The following KANK3 variants were observed in gnomAD, a reference collection of about 807,000 sequenced individuals.
KANK3 encodes the protein KN motif and ankyrin repeat domains 3, also known as KN motif and ankyrin repeat domain-containing protein 3.
In KANK3, 61 loss-of-function variants were observed where a neutral mutation model predicts 65.4. The observed-to-expected ratio is 0.93, with a 90% confidence interval of 0.76 to 1.15. The LOEUF (loss-of-function observed/expected upper bound fraction) is 1.15. KANK3 is among the 50% of genes most tolerant of loss of function. The probability of loss-of-function intolerance (pLI) is 0.00; values close to 1 mark genes in which losing one functional copy is unlikely to be tolerated. For synonymous variants in KANK3, 586 were observed against 543.3 expected, an observed-to-expected ratio of 1.08 and a Z score of -1.09; for missense variants, 1,187 against 1,178.8, an observed-to-expected ratio of 1.01 and a Z score of -0.10.
At chr19:8,324,585 GCCATGGGCAC>G in intron 9 of KANK3, 35 bp downstream of exon 9, 1 of 1,612,338 alleles carries the variant, frequency 6.2e-7, no homozygotes, top group Non-Finnish European at 8.5e-7. Flanking sequence ...CCTGAGCCAA[GCCATGGGCAC>G]CCCCCAAGAT....
Position 8,334,481 on chromosome 19 carries a change from C to A in KANK3, c.1327+19G>T, listed in dbSNP as rs1325543542. ...CGGCGCCGAGTAAGCCAGGGCCCAG[C>A]GACGGGGTCGGGACTCACCCGCGGG... On this transcript the variant is annotated intron_variant, in intron 3 of 10. Transcript: ENST00000330915. 1 of 1,607,692 alleles carries A rather than the reference C, an allele frequency of 6.2e-7. No homozygotes were observed. Among genetic ancestry groups the A allele is most frequent in the Admixed American group, 1.7e-5 (1 of 59,978 alleles).
In KANK3 at chr19:8,333,329, G is replaced by A. The variant is rs1393439294; in HGVS notation, c.1720-99C>T. 7 of 976,164 alleles carry A rather than the reference G, an allele frequency of 7.2e-6. No individual in the cohort carries two copies. In the South Asian group the frequency reaches 8.2e-5, roughly 11 times the overall value. 60.5% of individuals were successfully genotyped at this position (976,164 alleles called of 1,614,324 possible). ...GCGGGACTGGGAAGAGACCCATTTGGCGTTTCCAGGCAAGTAAGGAAGGTC... is the reference window on the plus strand; with the variant it reads ...GCGGGACTGGGAAGAGACCCATTTGACGTTTCCAGGCAAGTAAGGAAGGTC... On this transcript the variant is annotated intron_variant, in intron 6 of 10. Transcript: ENST00000330915. This position sits in a 1 kb window ranked among gnomAD's most constrained non-coding sequence, Gnocchi z 5.0.
chr19:8,335,533 G>A lies in KANK3; in HGVS notation c.294C>T (p.Asp98=). The A allele has an allele frequency of 8.2e-7, 1 of 1,223,846 alleles. No homozygotes were observed. 75.8% of individuals were successfully genotyped at this position (1,223,846 alleles called of 1,614,324 possible). ...AWTSSESLAS[D]DGGAPGILSQ... Reference sequence around the variant, plus strand: ...AGAGTATGCCCGGTGCTCCACCGTCGTCACTGGCCAGGGACTCGCTGGATG... The same window carrying A: ...AGAGTATGCCCGGTGCTCCACCGTCATCACTGGCCAGGGACTCGCTGGATG... The change falls in exon 3 of 11, where the codon GAC becomes GAT. Residue 98 remains aspartate (D), a synonymous_variant. Coordinates refer to ENST00000330915, the MANE Select transcript of KANK3 (RefSeq NM_198471.3).
intron 7 of KANK3, among the ~76,000 whole-genome samples, chr19:8,329,492 CAAAAAAAAAAAA>C (rs59607185): frequency 2.0e-4 from 10 of 51,106 alleles, no homozygotes; most frequent in African/African-American, 3.6e-4. Context: ...GACTCGGCCT[CAAAAAAAAAAAA>C]AAAAAAAAAA....
rs374255787 is a variant in KANK3, at chr19:8,325,175, C to T, written c.1937-79G>A. 135 of 1,468,368 alleles carry T rather than the reference C, an allele frequency of 9.2e-5. No individual in the cohort carries two copies. The African/African-American group carries it at 1.1e-3, about 12-fold the overall frequency. 91.0% of individuals were successfully genotyped at this position (1,468,368 alleles called of 1,614,324 possible). On this transcript the variant is annotated intron_variant, in intron 7 of 10. Coordinates refer to ENST00000330915, the MANE Select transcript of KANK3 (RefSeq NM_198471.3). ...GATCCACTCACCTCCCTGCAAGCCTCGGGCACAGCACCTGCATATGGGGTG... is the reference window on the plus strand; with the variant it reads ...GATCCACTCACCTCCCTGCAAGCCTTGGGCACAGCACCTGCATATGGGGTG...
chr19:8,335,169 C>A lies in KANK3; in HGVS notation c.658G>T (p.Glu220Ter), dbSNP rs1970611483. The A allele has an allele frequency of 8.2e-7, 1 of 1,213,820 alleles. No individual in the cohort carries two copies. Among genetic ancestry groups the A allele is most frequent in the South Asian group, 3.5e-5 (1 of 28,216 alleles). The allele number at this position is 1,213,820 out of a possible 1,614,324, so 75.2% of individuals were successfully genotyped here. The change falls in exon 3 of 11, where the codon GAG becomes TAG. Residue 220 changes from glutamate to a stop codon, truncating the protein, a stop_gained. Transcript: ENST00000330915. LOFTEE classifies it high-confidence loss of function. ...LQEQVRALRA[E>*]KARLLAGRAQ... is the part of the protein sequence containing the mutation. ...CGCCCGGCCAGCAGCCGCGCCTTCT[C>A]GGCGCGCAGCGCGCGCACCTGCTCC...
At chr19:8,323,878 A>G (rs1035580678) in intron 10 of KANK3, among the ~76,000 whole-genome samples, 11 of 152,186 alleles carry the variant, frequency 7.2e-5, no homozygotes, top group Non-Finnish European at 1.0e-4. Context: ...GTTGGGGGTT[A>G]ATGTGTTCTG....
At chr19:8,337,987 CTCCT>C (rs1460414457) in intron 1 of KANK3, 131 bp from the exon 2 acceptor site, 101 of 1,433,662 alleles carry the variant, frequency 7.0e-5, no homozygotes, top group Middle Eastern at 2.4e-4. Flanking sequence ...CACATGGCCT[CTCCT>C]TCCTCTTCCC....
chr19:8,339,694 A>G (rs1363604458), intron 1 of KANK3, among the ~76,000 whole-genome samples: 2 of 152,056 alleles, frequency 1.3e-5, no homozygotes, highest in East Asian at 3.9e-4. Flanking sequence ...TTAAATAGTG[A>G]AACCACCAAG....
At chr19:8,324,313 G>T in intron 10 of KANK3, 136 bp downstream of exon 10, 1 of 730,692 alleles carries the variant, frequency 1.4e-6, no homozygotes. Context: ...CAGCCACATA[G>T]GAGAATCCAG....
chr19:8,340,177 G>A (rs991799966), intron 1 of KANK3, among the ~76,000 whole-genome samples: 7 of 149,668 alleles, frequency 4.7e-5, no homozygotes, highest in African/African-American at 1.5e-4. Context: ...CAGGAGAATC[G>A]CTTGAACCTG....
chr19:8,330,159 G>A (rs72994717), intron 7 of KANK3, among the ~76,000 whole-genome samples: 29,282 of 152,128 alleles, frequency 0.19, 2,950 homozygotes, highest in Admixed American at 0.27. Context: ...GCACACCCAC[G>A]TACCTCCAGA....
intron 1 of KANK3, among the ~76,000 whole-genome samples, 169 bp downstream of exon 1, chr19:8,343,056 A>G (rs1363940785): frequency 6.6e-6 from 1 of 152,042 alleles, no homozygotes; most frequent in Non-Finnish European, 1.5e-5. Flanking sequence ...CCCACCTGGG[A>G]CTTCCAATGT....
In KANK3 at chr19:8,334,055, C is replaced by T; in HGVS notation, c.1489G>A (p.Ala497Thr). ...DSDGDSENGG[A>T]EPPGSSSGSG... Reference sequence around the variant, plus strand: ...CCCGAGGAGCTACCCGGGGGCTCGGCGCCACCGTTCTCGCTGTCGCCATCG... The same window carrying T: ...CCCGAGGAGCTACCCGGGGGCTCGGTGCCACCGTTCTCGCTGTCGCCATCG... Residue 497 changes from alanine (A) to threonine (T), a missense_variant, in exon 5 of 11, where the codon GCC becomes ACC. Around this residue, in one of 3 missense-constraint regions of KANK3, gnomAD observed 1,078 missense variants for 1,038.2 expected, o/e 1.04. Coordinates refer to ENST00000330915, the MANE Select transcript of KANK3 (RefSeq NM_198471.3). 1.3e-6 allele frequency: 2 copies of T among 1,535,172 alleles called. No individual in the cohort carries two copies. The highest frequency in any genetic ancestry group is 8.7e-7 in the Non-Finnish European group (1 of 1,146,272).
In KANK3 at chr19:8,334,972, C is replaced by G. The variant is rs762479310; in HGVS notation, c.855G>C (p.Gln285His). The change falls in exon 3 of 11, where the codon CAG (glutamine) becomes CAC (histidine). Residue 285 changes from glutamine to histidine, a missense_variant. Physicochemically the swap from Gln to His is conservative, Grantham distance 24. Around this residue, in one of 3 missense-constraint regions of KANK3, gnomAD observed 1,078 missense variants for 1,038.2 expected, o/e 1.04. Transcript: ENST00000330915. ...GACTCCCGACCTCCCCGTCGAGGAC[C>G]TGGAGCGCGCCCTCGCTGCGCCCTG... ...LAAGRSEGAL[Q>H]VLDGEVGSLD... The G allele has an allele frequency of 5.4e-6, 8 of 1,494,184 alleles. No individual in the cohort carries two copies. Among genetic ancestry groups the G allele is most frequent in the Non-Finnish European group, 5.3e-6 (6 of 1,132,012 alleles). 92.6% of individuals were successfully genotyped at this position (1,494,184 alleles called of 1,614,324 possible). A position where few individuals can be genotyped will look rare whatever the true frequency, so the allele number is the denominator to read the frequency against.
At position 8,333,273 on chromosome 19, in the gene KANK3, G is replaced by A. The variant is rs1970563213; in HGVS notation, c.1720-43C>T. ...CAAGATAACATCGGCGATGGTCCAC[G>A]GCGGCGCCGTGGTGGGGGAGCTGGG... On this transcript the variant is annotated intron_variant, in intron 6 of 10. Transcript: ENST00000330915. The surrounding 1 kb of genome is among the most constrained non-coding windows in gnomAD (Gnocchi z 5.0). 7.2e-6 allele frequency: 11 copies of A among 1,523,032 alleles called. No homozygotes were observed. The highest frequency in any genetic ancestry group is 1.8e-5 in the Admixed American group (1 of 55,630). 94.3% of individuals were successfully genotyped at this position (1,523,032 alleles called of 1,614,324 possible). A position where few individuals can be genotyped will look rare whatever the true frequency, so the allele number is the denominator to read the frequency against.
intron 7 of KANK3, 114 bp downstream of exon 7, chr19:8,332,900 G>A (rs866641636): frequency 1.1e-5 from 8 of 737,270 alleles, no homozygotes; most frequent in African/African-American, 1.7e-5. Context: ...GTGGTGCCCT[G>A]TGCTGGACAG....
intron 7 of KANK3, among the ~76,000 whole-genome samples, chr19:8,327,801 G>A (rs1209911698): frequency 6.6e-6 from 1 of 152,180 alleles, no homozygotes; most frequent in Non-Finnish European, 1.5e-5. Flanking sequence ...GACGTTCCCT[G>A]TTTGGGTGGC....
Position 8,333,715 on chromosome 19 carries a change from G to A in KANK3, c.1719+9C>T, listed in dbSNP as rs1599648065. The A allele has an allele frequency of 6.9e-7, 1 of 1,450,058 alleles. No homozygotes were observed. Among genetic ancestry groups the A allele is most frequent in the Non-Finnish European group, 9.1e-7 (1 of 1,099,394 alleles). The allele number at this position is 1,450,058 out of a possible 1,614,324, so 89.8% of individuals were successfully genotyped here. A position where few individuals can be genotyped will look rare whatever the true frequency, so the allele number is the denominator to read the frequency against. ...CCACTCCCTGGTGCTGCGCTCCCGG[G>A]GCACTCACGCCGTCGCTGGCTACTC... On this transcript the variant is annotated intron_variant, in intron 6 of 10. Transcript: ENST00000330915. This position sits in a 1 kb window ranked among gnomAD's most constrained non-coding sequence, Gnocchi z 5.0.
Sources: allele counts gnomAD v4.1 joint callset (sites outside exome capture counted in the v4.1 genomes callset), GRCh38; gene constraint gnomAD v4.1.1; regional missense constraint gnomAD v4.1.1; non-coding constraint Gnocchi (gnomAD v3.1); transcripts MANE v1.5; gene names NCBI Gene and HGNC (gene_info 2026-07-23, HGNC 2026-07-21).